Variants in ACSF3 observed in about 807,000 individuals in gnomAD.
ACSF3 encodes the protein acyl-CoA synthetase family member 3.
ACSF3 carries 78 observed loss-of-function variants against 53.2 expected under a neutral mutation model. The ratio of observed to expected loss-of-function variants is 1.47; its 90% CI spans 1.22 to 1.77. ACSF3 has a LOEUF of 1.77. Among genes scored for constraint, ACSF3 ranks in the 40% most tolerant of loss-of-function variants. The probability of loss-of-function intolerance (pLI) is 0.00; values close to 1 mark genes in which losing one functional copy is unlikely to be tolerated. For synonymous variants in ACSF3, 414 were observed against 333.1 expected, an observed-to-expected ratio of 1.24 and a Z score of -2.65; for missense variants, 937 against 771.1, an observed-to-expected ratio of 1.22 and a Z score of -2.55.
At chr16:89,130,019 A>C (rs1908954463) in intron 7 of ACSF3, among the ~76,000 whole-genome samples, 2 of 152,238 alleles carry the variant, frequency 1.3e-5, no homozygotes, top group African/African-American at 2.4e-5. Flanking sequence ...ACTTGAGAAG[A>C]AAGGAACTCA....
At position 89,145,392 on chromosome 16, in the gene ACSF3, A is replaced by G. The variant is rs1912726209; in HGVS notation, c.1492A>G (p.Ser498Gly). The change falls in exon 9 of 11, where the codon AGC (serine) becomes GGC (glycine). Residue 498 changes from serine to glycine, a missense_variant. Coordinates refer to ENST00000614302, the MANE Select transcript of ACSF3 (RefSeq NM_001243279.3). The part of the protein sequence containing the change: ...EVEWHLLAHP[S>G]ITDVAVIGVP... The stretch of plus-strand genomic sequence containing the variant: ...GGAGTGGCACCTGCTGGCCCACCCC[A>G]GCATCACAGGTGCGTGGCCGGACTT... 6.2e-7 allele frequency: 1 copy of G among 1,614,106 alleles called. No homozygotes were observed. The highest frequency in any genetic ancestry group is 1.3e-5 in the African/African-American group (1 of 75,058).
intron 8 of ACSF3, among the ~76,000 whole-genome samples, chr16:89,140,097 A>G (rs1221738587): frequency 6.6e-6 from 1 of 152,136 alleles, no homozygotes; most frequent in African/African-American, 2.4e-5. Flanking sequence ...CACAGAGGAG[A>G]CCTGGATGGC....
rs1393697141 is a variant in ACSF3, at chr16:89,155,532, C to T, written c.*1325C>T. On this transcript the variant is annotated 3_prime_UTR_variant, in exon 11 of 11. Transcript: ENST00000614302. The stretch of plus-strand genomic sequence containing the variant: ...GGGTGCCCCAGTCCACGGCCCTGCC[C>T]CACCCGAACTCCTGCCTCACGGTGT... 1 of 454,154 alleles carries T rather than the reference C, an allele frequency of 2.2e-6. No homozygotes were observed. Among genetic ancestry groups the T allele is most frequent in the Non-Finnish European group, 4.4e-6 (1 of 226,796 alleles). 28.1% of individuals were successfully genotyped at this position (454,154 alleles called of 1,614,324 possible). A position where few individuals can be genotyped will look rare whatever the true frequency, so the allele number is the denominator to read the frequency against.
chr16:89,114,174 G>C, intron 5 of ACSF3, 165 bp from the exon 6 acceptor site: 1 of 851,846 alleles, frequency 1.2e-6, no homozygotes, highest in Non-Finnish European at 1.9e-6. Context: ...GTTGGTCCCG[G>C]GTGTCGCACA....
In ACSF3 at chr16:89,154,568, AGAC is replaced by A; in HGVS notation, c.*362_*364del. The A allele has an allele frequency of 1.1e-5, 5 of 469,026 alleles. No homozygotes were observed. The highest frequency in any genetic ancestry group is 2.1e-5 in the Non-Finnish European group (5 of 238,434). 29.1% of individuals were successfully genotyped at this position (469,026 alleles called of 1,614,324 possible). A position where few individuals can be genotyped will look rare whatever the true frequency, so the allele number is the denominator to read the frequency against. ...CCCAGAGGTTTCCCACAAAAAACAA[AGAC>A]TCCACTGGAGGAAACAAGCCCCTGT... On this transcript the variant is annotated 3_prime_UTR_variant, in exon 11 of 11. Transcript: ENST00000614302.
At chr16:89,138,564 A>G (rs1166648309) in intron 8 of ACSF3, among the ~76,000 whole-genome samples, 1 of 152,204 alleles carries the variant, frequency 6.6e-6, no homozygotes, top group Non-Finnish European at 1.5e-5. Flanking sequence ...CATCCGGCAG[A>G]GGGACCTCGC....
At chr16:89,094,469 A>C (rs1339677086) in intron 1 of ACSF3, among the ~76,000 whole-genome samples, 1 of 152,034 alleles carries the variant, frequency 6.6e-6, no homozygotes, top group Non-Finnish European at 1.5e-5. Flanking sequence ...TGAGCAAGCA[A>C]TGGAGACGTG....
In ACSF3 at chr16:89,093,861, C is replaced by A. The variant is rs1168515704; in HGVS notation, c.-329C>A. ...CCGCGCCGGGGAAGCTGTTGGGCGC[C>A]GGAACTGGTCCGGCCCGACTCACGA... On this transcript the variant is annotated 5_prime_UTR_variant, in exon 1 of 11. Transcript: ENST00000614302. 7.3e-6 allele frequency: 2 copies of A among 275,248 alleles called. No individual in the cohort carries two copies. Among genetic ancestry groups the A allele is most frequent in the South Asian group, 5.8e-5 (2 of 34,426 alleles). The allele number at this position is 275,248 out of a possible 1,614,324, so 17.1% of individuals were successfully genotyped here. A position where few individuals can be genotyped will look rare whatever the true frequency, so the allele number is the denominator to read the frequency against.
At chr16:89,136,207 G>A (rs1158161049) in intron 8 of ACSF3, among the ~76,000 whole-genome samples, 5 of 152,254 alleles carry the variant, frequency 3.3e-5, no homozygotes, top group African/African-American at 9.6e-5. Context: ...TGTGAGATGC[G>A]GGGCTGCGAG....
At chr16:89,135,493 A>G (rs567646333) in intron 8 of ACSF3, among the ~76,000 whole-genome samples, 1 of 152,374 alleles carries the variant, frequency 6.6e-6, no homozygotes, top group East Asian at 1.9e-4. Context: ...GTACCCTGGG[A>G]GGCACCTTCG....
chr16:89,135,184 A>G (rs1481428774), intron 8 of ACSF3, among the ~76,000 whole-genome samples: 1 of 152,068 alleles, frequency 6.6e-6, no homozygotes, highest in Non-Finnish European at 1.5e-5. Context: ...ATGCATCAGA[A>G]TCTGCTGGCC....
chr16:89,141,024 G>C lies in ACSF3; in HGVS notation c.1367-4243G>C, dbSNP rs771064486. On this transcript the variant is annotated intron_variant, in intron 8 of 10. Coordinates refer to ENST00000614302, the MANE Select transcript of ACSF3 (RefSeq NM_001243279.3). ...TGCATTTTGATAAATAGGTTGTTATGGAAAGTAAAGGTTATTTAACTTGTT... is the reference window on the plus strand; with the variant it reads ...TGCATTTTGATAAATAGGTTGTTATCGAAAGTAAAGGTTATTTAACTTGTT... 41 of 1,233,442 alleles carry C rather than the reference G, an allele frequency of 3.3e-5. No homozygotes were observed. In the South Asian group the frequency reaches 5.5e-4, roughly 16 times the overall value. The allele number at this position is 1,233,442 out of a possible 1,614,324, so 76.4% of individuals were successfully genotyped here.
At chr16:89,130,633 G>A (rs765513616) in intron 7 of ACSF3, among the ~76,000 whole-genome samples, 6 of 152,158 alleles carry the variant, frequency 3.9e-5, no homozygotes, top group Non-Finnish European at 8.8e-5. Context: ...TTTCCGTGGA[G>A]AAATCAGTGG....
intron 8 of ACSF3, among the ~76,000 whole-genome samples, chr16:89,136,330 T>C (rs1910457276): frequency 6.6e-6 from 1 of 152,178 alleles, no homozygotes; most frequent in Non-Finnish European, 1.5e-5. Context: ...TGAAATTCAG[T>C]TTAATTTCAT....
At chr16:89,118,830 G>A (rs1242639101) in intron 6 of ACSF3, among the ~76,000 whole-genome samples, 3 of 152,360 alleles carry the variant, frequency 2.0e-5, no homozygotes, top group African/African-American at 7.2e-5. Context: ...GGCTGACAGC[G>A]ATTTTAGAGG....
chr16:89,118,955 TCACATGCCCGGGG>T (rs545980798), intron 6 of ACSF3, among the ~76,000 whole-genome samples: 76 of 152,258 alleles, frequency 5.0e-4, no homozygotes, highest in African/African-American at 1.6e-3. Context: ...GTCCACACTG[TCACATGCCCGGGG>T]CACAGCGAGC....
chr16:89,136,683 G>A, intron 8 of ACSF3: 2 of 1,287,212 alleles, frequency 1.6e-6, no homozygotes, highest in South Asian at 2.5e-5. Flanking sequence ...GATGAGAGGA[G>A]AGGTTGCCAG....
intron 9 of ACSF3, 43 bp from the exon 10 acceptor site, chr16:89,145,895 A>G (rs1356153207): frequency 6.5e-7 from 1 of 1,542,200 alleles, no homozygotes; most frequent in African/African-American, 1.4e-5. Flanking sequence ...TGTAAGGGTC[A>G]CTGAGGCATC....
intron 5 of ACSF3, among the ~76,000 whole-genome samples, chr16:89,112,460 G>T (rs1042741860): frequency 6.6e-6 from 1 of 151,638 alleles, no homozygotes; most frequent in Non-Finnish European, 1.5e-5. Context: ...TCTCTTCCAC[G>T]TCGATAGCTG....
Sources: allele counts gnomAD v4.1 joint callset (sites outside exome capture counted in the v4.1 genomes callset), GRCh38; gene constraint gnomAD v4.1.1; transcripts MANE v1.5; gene names NCBI Gene and HGNC (gene_info 2026-07-23, HGNC 2026-07-21).